Variants in GPC6 observed in about 807,000 individuals in gnomAD.
GPC6 encodes glypican 6.
Under a neutral mutation model 55.2 loss-of-function variants are expected in GPC6, and 14 were observed. That is an observed-to-expected ratio of 0.25 (90% CI 0.17 to 0.40). The LOEUF (loss-of-function observed/expected upper bound fraction) is 0.40, where lower values mean the gene tolerates loss of function less well. Ranked by LOEUF, GPC6 falls within the 10% of genes least tolerant of loss-of-function variation. The pLI is 1.00. For missense variants in GPC6, 641 were observed against 708.5 expected, an observed-to-expected ratio of 0.90 and a Z score of 1.08; for synonymous variants, 278 against 259.6, an observed-to-expected ratio of 1.07 and a Z score of -0.68.
intron 2 of GPC6, among the ~76,000 whole-genome samples, chr13:93,795,239 A>C (rs1779343486): frequency 6.6e-6 from 1 of 152,208 alleles, no homozygotes; most frequent in African/African-American, 2.4e-5. Flanking sequence ...AGAGTTTGTG[A>C]TAAAGAATTA....
At chr13:93,939,396 C>G (rs898998047) in intron 3 of GPC6, among the ~76,000 whole-genome samples, 1 of 149,596 alleles carries the variant, frequency 6.7e-6, no homozygotes, top group African/African-American at 2.4e-5. Flanking sequence ...CCAGCCTGGG[C>G]GACAGAGCAA....
intron 4 of GPC6, among the ~76,000 whole-genome samples, chr13:94,138,198 G>A (rs1887253481): frequency 1.3e-5 from 2 of 152,116 alleles, no homozygotes; most frequent in South Asian, 4.2e-4. Flanking sequence ...TTTCGGATTA[G>A]GGATGCTCAA....
At chr13:94,379,328 G>A (rs979971912) in intron 6 of GPC6, among the ~76,000 whole-genome samples, 3 of 152,156 alleles carry the variant, frequency 2.0e-5, no homozygotes, top group Non-Finnish European at 4.4e-5. Context: ...GTGTTTCCGT[G>A]CAGAATGTTA....
chr13:93,842,073 T>C (rs570004619), intron 3 of GPC6, among the ~76,000 whole-genome samples: 2 of 152,306 alleles, frequency 1.3e-5, no homozygotes, highest in South Asian at 4.1e-4. Context: ...CACGTTCTGT[T>C]ACTAAAAATG....
intron 2 of GPC6, among the ~76,000 whole-genome samples, chr13:93,670,303 T>C (rs1467159406): frequency 1.3e-5 from 2 of 152,324 alleles, no homozygotes; most frequent in African/African-American, 4.8e-5. Flanking sequence ...GAAACCCTTA[T>C]GGGACTCAGA....
At chr13:93,315,558 A>G (rs1405005757) in intron 1 of GPC6, among the ~76,000 whole-genome samples, 1 of 151,944 alleles carries the variant, frequency 6.6e-6, no homozygotes, top group Non-Finnish European at 1.5e-5. Flanking sequence ...TTTTGACTTT[A>G]CAAGTAAATC....
chr13:94,034,044 G>A (rs1042094115), intron 4 of GPC6, among the ~76,000 whole-genome samples: 2 of 152,084 alleles, frequency 1.3e-5, no homozygotes, highest in Admixed American at 6.6e-5. Flanking sequence ...TTTTCTGTCA[G>A]GTGAAATCTA....
At chr13:94,046,923 T>G (rs1192760939) in intron 4 of GPC6, among the ~76,000 whole-genome samples, 4 of 152,120 alleles carry the variant, frequency 2.6e-5, no homozygotes, top group African/African-American at 9.7e-5. Flanking sequence ...ATACTAACTA[T>G]AGTTCGCCAC....
intron 6 of GPC6, among the ~76,000 whole-genome samples, chr13:94,353,062 G>A (rs763270602): frequency 8.5e-5 from 13 of 152,118 alleles, no homozygotes; most frequent in Non-Finnish European, 1.8e-4. Flanking sequence ...TGACAGTAAC[G>A]TGTGTCAGGG....
At chr13:94,063,210 C>G (rs1172701773) in intron 4 of GPC6, among the ~76,000 whole-genome samples, 1 of 152,170 alleles carries the variant, frequency 6.6e-6, no homozygotes, top group Non-Finnish European at 1.5e-5. Flanking sequence ...TCCCCCTGCC[C>G]AGCTGCCATG....
At chr13:93,920,417 C>G (rs1412588648) in intron 3 of GPC6, among the ~76,000 whole-genome samples, 1 of 152,120 alleles carries the variant, frequency 6.6e-6, no homozygotes, top group Non-Finnish European at 1.5e-5. Context: ...TTTCTAACCT[C>G]TCTTTAGCTT....
intron 1 of GPC6, among the ~76,000 whole-genome samples, chr13:93,292,668 G>C (rs1029164707): frequency 6.3e-4 from 96 of 152,058 alleles, no homozygotes; most frequent in African/African-American, 2.3e-3. Flanking sequence ...CTGCTTTTCT[G>C]TAGTTAATTT....
At chr13:94,302,307 C>T (rs1875692618) in intron 5 of GPC6, among the ~76,000 whole-genome samples, 1 of 152,158 alleles carries the variant, frequency 6.6e-6, no homozygotes, top group Non-Finnish European at 1.5e-5. Context: ...ATGATGGCAC[C>T]TTCCCACTGT....
intron 1 of GPC6, among the ~76,000 whole-genome samples, chr13:93,245,168 A>C (rs1876556657): frequency 6.6e-6 from 1 of 152,226 alleles, no homozygotes; most frequent in Admixed American, 6.5e-5. Flanking sequence ...CTCACCATGA[A>C]CAATTTCAAG....
At chr13:93,397,008 C>G (rs566902192) in intron 1 of GPC6, among the ~76,000 whole-genome samples, 13 of 152,226 alleles carry the variant, frequency 8.5e-5, no homozygotes, top group African/African-American at 3.1e-4. Context: ...TTACATTAAG[C>G]CATCATTTGC....
chr13:94,178,442 T>C (rs750148779), intron 4 of GPC6, among the ~76,000 whole-genome samples: 1 of 152,202 alleles, frequency 6.6e-6, no homozygotes, highest in Non-Finnish European at 1.5e-5. Context: ...ATGTGTAATA[T>C]TAAACAGTGA....
At chr13:94,367,806 A>G (rs1387693400) in intron 6 of GPC6, among the ~76,000 whole-genome samples, 1 of 152,118 alleles carries the variant, frequency 6.6e-6, no homozygotes, top group Non-Finnish European at 1.5e-5. Flanking sequence ...TTTTATTTAT[A>G]TCCTTCTTAG....
chr13:93,268,818 A>G (rs1004437807), intron 1 of GPC6, among the ~76,000 whole-genome samples: 3 of 152,064 alleles, frequency 2.0e-5, no homozygotes, highest in East Asian at 3.9e-4. Flanking sequence ...TCTGCTGACC[A>G]CAAGCCCCTG....
At chr13:93,559,958 A>G (rs536557637) in intron 2 of GPC6, among the ~76,000 whole-genome samples, 1 of 152,286 alleles carries the variant, frequency 6.6e-6, no homozygotes, top group South Asian at 2.1e-4. Context: ...ATTCCTTAGA[A>G]TAAACATCAT....
Sources: allele counts gnomAD v4.1 joint callset (sites outside exome capture counted in the v4.1 genomes callset), GRCh38; gene constraint gnomAD v4.1.1; transcripts MANE v1.5; gene names NCBI Gene and HGNC (gene_info 2026-07-23, HGNC 2026-07-21).